The following ZEB2 variants were observed in gnomAD, a reference collection of about 807,000 sequenced individuals.
ZEB2 encodes zinc finger E-box-binding homeobox 2.
ZEB2 carries 6 observed loss-of-function variants against 99.9 expected under a neutral mutation model. The observed-to-expected ratio is 0.06, with a 90% CI of 0.03 to 0.12. ZEB2 has a LOEUF of 0.12. ZEB2 is among the 10% of genes least tolerant of loss of function. The pLI is 1.00. For synonymous variants in ZEB2, 517 were observed against 542.5 expected, an observed-to-expected ratio of 0.95 and a Z score of 0.65; for missense variants, 969 against 1,502.8, an observed-to-expected ratio of 0.64 and a Z score of 5.87.
intron 2 of ZEB2, chr2:144,496,897 A>G (rs1704768954): frequency 6.6e-6 from 1 of 152,188 alleles, no homozygotes; most frequent in Non-Finnish European, 1.5e-5. Flanking sequence ...CTCTTCTATA[A>G]AACATGGTTC....
intron 2 of ZEB2, among the ~76,000 whole-genome samples, chr2:144,451,124 A>T (rs1573761620): frequency 6.6e-6 from 1 of 152,362 alleles, no homozygotes; most frequent in Middle Eastern, 3.4e-3. Context: ...ATGTAAAAGA[A>T]AACACATTTA....
chr2:144,454,630 A>G (rs1166501892), intron 2 of ZEB2, among the ~76,000 whole-genome samples: 1 of 152,168 alleles, frequency 6.6e-6, no homozygotes, highest in Non-Finnish European at 1.5e-5. Flanking sequence ...GTGAGTATCT[A>G]TTGTGTTTTG....
intron 2 of ZEB2, among the ~76,000 whole-genome samples, chr2:144,459,467 C>T (rs939751955): frequency 6.6e-6 from 1 of 152,154 alleles, no homozygotes; most frequent in African/African-American, 2.4e-5. Context: ...TACCTTCTCA[C>T]TTGCAGGTCT....
chr2:144,441,209 A>AGAGAGAGAGAGAGAGAGAGAGAGAGAG (rs1553965039), intron 2 of ZEB2, among the ~76,000 whole-genome samples: 1 of 24,274 alleles, frequency 4.1e-5, no homozygotes. Flanking sequence ...GAGAGAGAGA[A>AGAGAGAGAGAGAGAGAGAGAGAGAGAG]CCTCATGCCT....
At chr2:144,497,300 C>A (rs1560650087) in intron 2 of ZEB2, among the ~76,000 whole-genome samples, 1 of 152,120 alleles carries the variant, frequency 6.6e-6, no homozygotes, top group Non-Finnish European at 1.5e-5. Context: ...CTTAAATGCA[C>A]CCCCATTTCC....
intron 2 of ZEB2, among the ~76,000 whole-genome samples, chr2:144,460,390 A>T (rs536579788): frequency 6.6e-6 from 1 of 151,598 alleles, no homozygotes; most frequent in Non-Finnish European, 1.5e-5. Flanking sequence ...TTATTTATTT[A>T]TTTTTTGGTC....
chr2:144,456,705 T>G (rs1704126280), intron 2 of ZEB2, among the ~76,000 whole-genome samples: 1 of 152,086 alleles, frequency 6.6e-6, no homozygotes, highest in Non-Finnish European at 1.5e-5. Context: ...AAACAACCCC[T>G]TGGTCTTAGA....
intron 2 of ZEB2, among the ~76,000 whole-genome samples, chr2:144,440,226 C>T (rs1703887226): frequency 6.6e-6 from 1 of 152,074 alleles, no homozygotes; most frequent in Non-Finnish European, 1.5e-5. Context: ...GGCTGCTTTG[C>T]ATATGTCAAA....
rs375888940 is a variant in ZEB2 at position 144,517,371 on chromosome 2, G to A, written c.-21C>T. On this transcript the variant is annotated 5_prime_UTR_variant, in exon 2 of 10. Transcript: ENST00000627532. ...TTCATTGATAAGAGCGGATCAGATG[G>A]CAGTTCGCATGGACTCGGCGCCCTG... The A allele has an allele frequency of 1.9e-6, 3 of 1,613,560 alleles. No homozygotes were observed. The highest frequency in any genetic ancestry group is 2.5e-6 in the Non-Finnish European group (3 of 1,179,776).
intron 2 of ZEB2, among the ~76,000 whole-genome samples, chr2:144,477,002 C>T (rs1704439248): frequency 6.6e-6 from 1 of 152,140 alleles, no homozygotes; most frequent in Non-Finnish European, 1.5e-5. Flanking sequence ...TATCTATTAT[C>T]TCAAATAAAT....
chr2:144,512,341 C>G (rs1318341668), intron 2 of ZEB2: 2 of 1,287,148 alleles, frequency 1.6e-6, no homozygotes, highest in Non-Finnish European at 2.0e-6. Context: ...GGAAAAGAAT[C>G]TCCCACATCT....
At chr2:144,455,664 A>C (rs1230486650) in intron 2 of ZEB2, among the ~76,000 whole-genome samples, 1 of 152,200 alleles carries the variant, frequency 6.6e-6, no homozygotes, top group Non-Finnish European at 1.5e-5. Context: ...AGTTTAATAA[A>C]AATGATACAT....
chr2:144,477,419 C>T (rs1704445910), intron 2 of ZEB2, among the ~76,000 whole-genome samples: 3 of 152,112 alleles, frequency 2.0e-5, no homozygotes, highest in Admixed American at 1.3e-4. Context: ...CTACCATAAA[C>T]CAACTTTAAC....
At chr2:144,496,133 G>T (rs1178426150) in intron 2 of ZEB2, 1 of 152,272 alleles carries the variant, frequency 6.6e-6, no homozygotes, top group Non-Finnish European at 1.5e-5. Context: ...AGATAAGGCA[G>T]TGTGGAGAAT....
Position 144,404,843 on chromosome 2 carries a change from T to C in ZEB2, c.585A>G (p.Glu195=), listed in dbSNP as rs752969423. 7 of 1,614,044 alleles carry C rather than the reference T, an allele frequency of 4.3e-6. No homozygotes were observed. Among genetic ancestry groups the C allele is most frequent in the Non-Finnish European group, 5.9e-6 (7 of 1,179,952 alleles). The part of the protein sequence containing the change: ...RLGTPEANGQ[E]ENDLPPGTPD... ...AATGATTTACAGCCTCACCATTTTC[T>C]TCTTGCCCATTGGCCTCTGGCGTGC... Residue 195 remains glutamate (E), a synonymous_variant, in exon 5 of 10, where the codon GAA becomes GAG. Transcript: ENST00000627532.
intron 4 of ZEB2, among the ~76,000 whole-genome samples, chr2:144,413,129 T>A (rs1293000049): frequency 6.6e-6 from 1 of 152,214 alleles, no homozygotes; most frequent in African/African-American, 2.4e-5. Flanking sequence ...TGCTTTTTCT[T>A]TACTGGCTAG....
At position 144,500,870 on chromosome 2, in the gene ZEB2, A is replaced by G. The variant is rs193047967; in HGVS notation, c.73+16408T>C. Among the ~76,000 whole-genome samples the G allele has an allele frequency of 6.4e-4, 97 of 152,208 alleles. 1 individual carries two copies. Among genetic ancestry groups the G allele is most frequent in the Admixed American group, 5.9e-3 (90 of 15,298 alleles). Reference sequence around the variant, plus strand: ...TAAAGAGTTGCTGCTTTGGAAATGGAAGGATTGCTCCCGACACCCAGGCAC... The same window carrying G: ...TAAAGAGTTGCTGCTTTGGAAATGGGAGGATTGCTCCCGACACCCAGGCAC... On this transcript the variant is annotated intron_variant, in intron 2 of 9. Coordinates refer to ENST00000627532, the MANE Select transcript of ZEB2 (RefSeq NM_014795.4).
intron 2 of ZEB2, among the ~76,000 whole-genome samples, chr2:144,446,261 CAT>C (rs1371608349): frequency 1.3e-5 from 2 of 152,082 alleles, no homozygotes; most frequent in African/African-American, 4.8e-5. Context: ...CCAAATAGGC[CAT>C]ATGTTAGTAG....
intron 9 of ZEB2, among the ~76,000 whole-genome samples, chr2:144,391,273 T>TTAAAGG (rs1244593735): frequency 6.6e-6 from 1 of 152,240 alleles, no homozygotes; most frequent in Non-Finnish European, 1.5e-5. Context: ...TGTCATTTCA[T>TTAAAGG]TAATGGTCTT....
Sources: allele counts gnomAD v4.1 joint callset (sites outside exome capture counted in the v4.1 genomes callset), GRCh38; gene constraint gnomAD v4.1.1; transcripts MANE v1.5; gene names NCBI Gene and HGNC (gene_info 2026-07-23, HGNC 2026-07-21).